The following ENTPD1 variants were observed in gnomAD, a reference collection of about 807,000 sequenced individuals.
The protein encoded by ENTPD1 is ectonucleoside triphosphate diphosphohydrolase 1.
In ENTPD1, 33 loss-of-function variants were observed where a neutral mutation model predicts 57.0. The ratio of observed to expected loss-of-function variants is 0.58; its 90% confidence interval spans 0.44 to 0.77. ENTPD1 has a LOEUF of 0.77. Among genes scored for constraint, ENTPD1 ranks in the 30% least tolerant of loss-of-function variants. The probability of loss-of-function intolerance (pLI) is 0.00; values close to 1 mark genes in which losing one functional copy is unlikely to be tolerated. For missense variants in ENTPD1, 501 were observed against 603.4 expected (o/e 0.83, Z 1.78); for synonymous variants, 202 against 218.8 (o/e 0.92, Z 0.68).
In ENTPD1 at chr10:95,842,520, G is replaced by A. The variant is rs1296354474; in HGVS notation, c.413+26G>A. The A allele has an allele frequency of 4.4e-6, 7 of 1,606,066 alleles. No homozygotes were observed. The African/African-American group carries it at 9.4e-5, about 22-fold the overall frequency. On this transcript the variant is annotated intron_variant, in intron 4 of 9. Transcript: ENST00000371205. ...GTATAGCAGCATGTAGGGACCAAGA[G>A]TATCTGGGAGTTAGGCTTGGCAGTG...
chr10:95,856,841 CAT>C (rs1302589287), intron 7 of ENTPD1, among the ~76,000 whole-genome samples: 1 of 150,480 alleles, frequency 6.6e-6, no homozygotes, highest in African/African-American at 2.4e-5. Flanking sequence ...TACATATACA[CAT>C]ATATAATTAT....
At chr10:95,730,214 T>C (rs2097987754) in intron 1 of ENTPD1, among the ~76,000 whole-genome samples, 1 of 151,472 alleles carries the variant, frequency 6.6e-6, no homozygotes, top group South Asian at 2.1e-4. Flanking sequence ...AATTTCTGTG[T>C]TCTTTTGTTT....
chr10:95,848,943 T>TA (rs1421917979), intron 7 of ENTPD1, among the ~76,000 whole-genome samples: 62 of 152,324 alleles, frequency 4.1e-4, no homozygotes, highest in African/African-American at 1.4e-3. Context: ...ATGTGCCTGT[T>TA]AGAGTTTGCC....
intron 1 of ENTPD1, among the ~76,000 whole-genome samples, chr10:95,786,154 GC>G: frequency 6.6e-6 from 1 of 152,282 alleles, no homozygotes; most frequent in East Asian, 1.9e-4. Context: ...GCTGCTTAAA[GC>G]ACTTTGTTCC....
At chr10:95,857,934 G>A (rs2098458091) in intron 7 of ENTPD1, among the ~76,000 whole-genome samples, 1 of 152,182 alleles carries the variant, frequency 6.6e-6, no homozygotes, top group Admixed American at 6.5e-5. Flanking sequence ...GGCCGACGCG[G>A]GCGGATCACG....
intron 1 of ENTPD1, among the ~76,000 whole-genome samples, chr10:95,797,122 T>C (rs2098229723): frequency 6.6e-6 from 1 of 151,616 alleles, no homozygotes; most frequent in Admixed American, 6.6e-5. Context: ...ATTTGAGAGG[T>C]ATTTAGTGGG....
intron 3 of ENTPD1, among the ~76,000 whole-genome samples, chr10:95,840,306 T>C (rs1168701322): frequency 6.6e-6 from 1 of 152,210 alleles, no homozygotes; most frequent in Non-Finnish European, 1.5e-5. Context: ...ACACAGATGA[T>C]GGGTCCCATC....
chr10:95,711,624 T>C (rs1270925346), upstream of ENTPD1, among the ~76,000 whole-genome samples: 1 of 152,118 alleles, frequency 6.6e-6, no homozygotes, highest in Non-Finnish European at 1.5e-5. Context: ...ATTTTAAAAT[T>C]TTTTGTACAG....
chr10:95,780,228 CTAT>C (rs1480545301), intron 1 of ENTPD1, among the ~76,000 whole-genome samples: 1 of 152,116 alleles, frequency 6.6e-6, no homozygotes, highest in Non-Finnish European at 1.5e-5. Context: ...CATTGTAGCA[CTAT>C]TCACAATAGC....
At chr10:95,710,218 A>G (rs571673576), upstream of ENTPD1, among the ~76,000 whole-genome samples, 1 of 152,210 alleles carries the variant, frequency 6.6e-6, no homozygotes, top group South Asian at 2.1e-4. Context: ...TAGCTTGGCC[A>G]ATATGGTGAA....
At chr10:95,849,895 G>A (rs2098441958) in intron 7 of ENTPD1, among the ~76,000 whole-genome samples, 1 of 152,128 alleles carries the variant, frequency 6.6e-6, no homozygotes, top group Non-Finnish European at 1.5e-5. Context: ...CTTGGCCAAG[G>A]GCCTTTTTCA....
chr10:95,782,100 G>A (rs1193071031), intron 1 of ENTPD1, among the ~76,000 whole-genome samples: 3 of 152,208 alleles, frequency 2.0e-5, no homozygotes, highest in African/African-American at 7.2e-5. Context: ...AATACTGCAT[G>A]CAGATAGAGT....
intron 1 of ENTPD1, among the ~76,000 whole-genome samples, chr10:95,762,431 C>G (rs1456312904): frequency 6.8e-6 from 1 of 146,632 alleles, no homozygotes; most frequent in Non-Finnish European, 1.5e-5. Context: ...TTGTTTCTCT[C>G]ATTTGGCATT....
the ENTPD1 span, chr10:95,694,253 T>G: frequency 1.1e-4 from 34 of 304,790 alleles, no homozygotes; most frequent in South Asian, 8.0e-4. Flanking sequence ...GAGCCCGGCC[T>G]CCGGTGCAAG....
intron 1 of ENTPD1, among the ~76,000 whole-genome samples, chr10:95,778,133 C>T (rs887601819): frequency 7.2e-5 from 11 of 152,282 alleles, no homozygotes; most frequent in Middle Eastern, 3.4e-3. Flanking sequence ...TGCTTCAGCT[C>T]GTCCTCCATG....
chr10:95,728,129 C>T (rs1001235691), intron 1 of ENTPD1, among the ~76,000 whole-genome samples: 2 of 152,142 alleles, frequency 1.3e-5, no homozygotes, highest in African/African-American at 4.8e-5. Flanking sequence ...CACCCTTGAA[C>T]AATGTGGGGG....
intron 7 of ENTPD1, among the ~76,000 whole-genome samples, chr10:95,853,404 C>T (rs1462879759): frequency 1.3e-5 from 2 of 152,182 alleles, no homozygotes; most frequent in Non-Finnish European, 2.9e-5. Context: ...TCCTCTTTTC[C>T]TAATTGAATG....
intron 1 of ENTPD1, among the ~76,000 whole-genome samples, chr10:95,815,420 T>C (rs1472135119): frequency 2.0e-5 from 3 of 152,226 alleles, no homozygotes; most frequent in Non-Finnish European, 4.4e-5. Context: ...ATGAGATTCA[T>C]GATTTCAAAA....
At chr10:95,790,160 A>G (rs1336266322) in intron 1 of ENTPD1, among the ~76,000 whole-genome samples, 5 of 152,322 alleles carry the variant, frequency 3.3e-5, no homozygotes. Flanking sequence ...GTTGCCCACC[A>G]CTTCAGATAG....
Sources: allele counts gnomAD v4.1 joint callset (sites outside exome capture counted in the v4.1 genomes callset), GRCh38; gene constraint gnomAD v4.1.1; transcripts MANE v1.5; gene names NCBI Gene and HGNC (gene_info 2026-07-23, HGNC 2026-07-21).